The following WNT11 variants were observed in gnomAD, a reference collection of about 807,000 sequenced individuals.
WNT11 encodes Wnt family member 11, also known as protein Wnt-11.
Under a neutral mutation model 35.6 loss-of-function variants are expected in WNT11, and 20 were observed. The ratio of observed to expected loss-of-function variants is 0.56; its 90% CI spans 0.40 to 0.82. WNT11 has a LOEUF of 0.82. Ranked by LOEUF, WNT11 falls within the 40% of genes least tolerant of loss-of-function variation. WNT11 has a pLI of 0.00. For synonymous variants in WNT11, 200 were observed against 211.9 expected (o/e 0.94, Z 0.49); for missense variants, 459 against 504.4 (o/e 0.91, Z 0.86).
intron 4 of WNT11, among the ~76,000 whole-genome samples, chr11:76,189,819 G>T (rs1358866550): frequency 2.0e-5 from 3 of 152,238 alleles, no homozygotes; most frequent in Admixed American, 1.3e-4. Context: ...ATGGGCACAA[G>T]AAATGCTTGT....
intron 3 of WNT11, among the ~76,000 whole-genome samples, chr11:76,193,459 C>A (rs183142189): frequency 1.7e-4 from 26 of 151,390 alleles, no homozygotes; most frequent in African/African-American, 6.1e-4. Context: ...TGGCCGCTGG[C>A]GAAGGGCTCC....
upstream of WNT11, among the ~76,000 whole-genome samples, chr11:76,209,107 G>A (rs1036890766): frequency 6.6e-6 from 1 of 152,184 alleles, no homozygotes. Context: ...TGTCCTGGTC[G>A]TTCTATAGGA....
chr11:76,197,668 C>T (rs572281297), intron 1 of WNT11, among the ~76,000 whole-genome samples: 5 of 152,272 alleles, frequency 3.3e-5, no homozygotes, highest in Admixed American at 1.3e-4. Flanking sequence ...TCATCCACCT[C>T]GTCCGTGCTT....
chr11:76,199,749 A>C (rs1410596946), intron 1 of WNT11, among the ~76,000 whole-genome samples: 1 of 151,986 alleles, frequency 6.6e-6, no homozygotes, highest in African/African-American at 2.4e-5. Flanking sequence ...CAAGATTGTG[A>C]CACTGCACTC....
At chr11:76,204,341 T>G (rs1953435120) in intron 1 of WNT11, among the ~76,000 whole-genome samples, 1 of 152,214 alleles carries the variant, frequency 6.6e-6, no homozygotes, top group South Asian at 2.1e-4. Context: ...ACCCAAGCTC[T>G]CGGAGCAGCG....
At chr11:76,193,444 C>T (rs1444846003) in intron 3 of WNT11, among the ~76,000 whole-genome samples, 2 of 152,104 alleles carry the variant, frequency 1.3e-5, no homozygotes, top group African/African-American at 4.8e-5. Flanking sequence ...TGGTGGTGGG[C>T]GTGCTGGCCG....
At chr11:76,203,311 C>T (rs1953413762) in intron 1 of WNT11, among the ~76,000 whole-genome samples, 2 of 152,226 alleles carry the variant, frequency 1.3e-5, no homozygotes, top group Admixed American at 1.3e-4. Context: ...GCGCTCCTTC[C>T]ACCCTACTCT....
At chr11:76,206,259 A>G in intron 1 of WNT11, 66 bp downstream of exon 1, 5 of 1,337,994 alleles carry the variant, frequency 3.7e-6, no homozygotes, top group Admixed American at 3.3e-5. Flanking sequence ...CATCCAGGGG[A>G]CCCCAAAACG....
intron 4 of WNT11, among the ~76,000 whole-genome samples, chr11:76,188,865 G>T (rs574493137): frequency 6.6e-6 from 1 of 152,232 alleles, no homozygotes; most frequent in East Asian, 1.9e-4. Flanking sequence ...GGCAGAAGAC[G>T]AGGCCTGCCC....
chr11:76,195,008 C>G (rs144320366), intron 2 of WNT11, 164 bp from the exon 3 acceptor site: 1 of 858,620 alleles, frequency 1.2e-6, no homozygotes, highest in East Asian at 2.7e-5. Flanking sequence ...CCAATTCCTT[C>G]TGAATATACC....
chr11:76,207,425 C>T (rs1953491621), upstream of WNT11, among the ~76,000 whole-genome samples: 1 of 152,208 alleles, frequency 6.6e-6, no homozygotes, highest in African/African-American at 2.4e-5. Flanking sequence ...CCCAGCACCC[C>T]GTGAGATAGG....
chr11:76,194,746 A>T lies in WNT11; in HGVS notation c.418T>A (p.Cys140Ser). 1 of 1,552,162 alleles carries T rather than the reference A, an allele frequency of 6.4e-7. No homozygotes were observed. Among genetic ancestry groups the T allele is most frequent in the Non-Finnish European group, 8.7e-7 (1 of 1,148,448 alleles). The change falls in exon 3 of 5, where the codon TGC becomes AGC. Residue 140 changes from cysteine (C) to serine (S), a missense_variant. Cys to Ser is a moderately radical substitution (Grantham distance 112). Coordinates refer to ENST00000322563, the MANE Select transcript of WNT11 (RefSeq NM_004626.3). This position sits in a 1 kb window ranked among gnomAD's most constrained non-coding sequence, Gnocchi z 5.4. ...GGTGGCTCACCTGGGACGGGGCCGCAGGAGCAGCCGGGCAGGTCGCCGGAG... is the reference window on the plus strand; with the variant it reads ...GGTGGCTCACCTGGGACGGGGCCGCTGGAGCAGCCGGGCAGGTCGCCGGAG... ...CTSGDLPGCSCGPVPGEPPGP... is the reference protein window; with the variant it reads ...CTSGDLPGCSSGPVPGEPPGP...
At position 76,196,455 on chromosome 11, in the gene WNT11, T is replaced by C. The variant is rs747067144; in HGVS notation, c.319+28A>G. On this transcript the variant is annotated intron_variant, in intron 2 of 4. Coordinates refer to ENST00000322563, the MANE Select transcript of WNT11 (RefSeq NM_004626.3). ...CTGAATTCCTTCACCCGCACCCACA[T>C]GCATTCAGCAGCCTCGCCAGCTCCT... 1.9e-6 allele frequency: 3 copies of C among 1,609,898 alleles called. No homozygotes were observed. The East Asian group carries it at 6.7e-5, about 36-fold the overall frequency.
At chr11:76,200,323 G>T (rs183581700) in intron 1 of WNT11, among the ~76,000 whole-genome samples, 5 of 152,266 alleles carry the variant, frequency 3.3e-5, no homozygotes, top group Admixed American at 3.3e-4. Context: ...AACTGTTCTG[G>T]CCTGCCCTGG....
chr11:76,210,561 C>A (rs1013002565), upstream of WNT11: 1 of 985,134 alleles, frequency 1.0e-6, no homozygotes, highest in South Asian at 4.7e-5. Context: ...CGGGCCCGTG[C>A]GCACTCCGGC....
At chr11:76,190,051 C>T (rs535731728) in intron 4 of WNT11, among the ~76,000 whole-genome samples, 2 of 143,608 alleles carry the variant, frequency 1.4e-5, no homozygotes, top group South Asian at 4.9e-4. Flanking sequence ...CCTGAGGGCA[C>T]GGGGGAGGGG....
intron 2 of WNT11, among the ~76,000 whole-genome samples, chr11:76,196,140 C>G (rs1157673300): frequency 6.6e-6 from 1 of 152,220 alleles, no homozygotes; most frequent in African/African-American, 2.4e-5. Flanking sequence ...CTCCCAGGAG[C>G]CTCCCTGACA....
upstream of WNT11, among the ~76,000 whole-genome samples, chr11:76,208,464 C>T (rs78447118): frequency 2.4e-3 from 366 of 152,352 alleles, 1 homozygote; most frequent in Middle Eastern, 0.014. Flanking sequence ...AATCCTTTGT[C>T]TTCCTGGTCC....
chr11:76,208,155 C>A (rs1953502176), upstream of WNT11, among the ~76,000 whole-genome samples: 1 of 152,250 alleles, frequency 6.6e-6, no homozygotes, highest in African/African-American at 2.4e-5. Flanking sequence ...CGTCTCCCTG[C>A]AGCCTGCGGG....
Sources: gnomAD v4.1 joint callset for allele counts (sites outside exome capture counted in the v4.1 genomes callset) on GRCh38, gnomAD v4.1.1 for gene constraint, Gnocchi (gnomAD v3.1) non-coding constraint, MANE v1.5 for transcripts, NCBI Gene and HGNC (gene_info 2026-07-23, HGNC 2026-07-21) for gene names.